CRIM1: variants seen among roughly 807,000 people sequenced by gnomAD.
CRIM1 encodes the protein cysteine-rich motor neuron 1 protein.
CRIM1 carries 32 observed loss-of-function variants against 116.4 expected under a neutral mutation model. The observed-to-expected ratio is 0.27, with a 90% confidence interval of 0.21 to 0.37. The LOEUF (loss-of-function observed/expected upper bound fraction) is 0.37. Among genes scored for constraint, CRIM1 ranks in the 10% least tolerant of loss-of-function variants. The pLI is 1.00. For synonymous variants in CRIM1, 590 were observed against 509.2 expected, an observed-to-expected ratio of 1.16 and a Z score of -2.13; for missense variants, 1,331 against 1,354.8, an observed-to-expected ratio of 0.98 and a Z score of 0.28.
At chr2:36,486,307 A>T (rs1679812769) in intron 7 of CRIM1, among the ~76,000 whole-genome samples, 1 of 152,176 alleles carries the variant, frequency 6.6e-6, no homozygotes, top group Non-Finnish European at 1.5e-5. Context: ...TTTAATAGAG[A>T]AGAAATGTTT....
In CRIM1 at chr2:36,472,891, A is replaced by G. The variant is rs181383709; in HGVS notation, c.992-3998A>G. ...AGATTAGTTTGTTAGCTAAAAGTAT[A>G]TAGAAGAATTCTGAGCCATGGTAAG... On this transcript the variant is annotated intron_variant, in intron 5 of 16. Coordinates refer to ENST00000280527, the MANE Select transcript of CRIM1 (RefSeq NM_016441.3). 1.5e-3 allele frequency among the ~76,000 whole-genome samples: 224 copies of G among 152,350 alleles called. 2 individuals carry two copies. Among genetic ancestry groups the G allele is most frequent in the Non-Finnish European group, 2.2e-3 (153 of 68,028 alleles).
Position 36,551,013 on chromosome 2 carries a change from G to A in CRIM1, c.*2312G>A, listed in dbSNP as rs1667738337. The A allele has an allele frequency of 6.6e-6, 1 of 152,580 alleles. No individual in the cohort carries two copies. Among genetic ancestry groups the A allele is most frequent in the South Asian group, 2.1e-4 (1 of 4,830 alleles). 9.5% of individuals were successfully genotyped at this position (152,580 alleles called of 1,614,324 possible). A position where few individuals can be genotyped will look rare whatever the true frequency, so the allele number is the denominator to read the frequency against. On this transcript the variant is annotated 3_prime_UTR_variant, in exon 17 of 17. Transcript: ENST00000280527. Reference sequence around the variant, plus strand: ...ATATAATTTCCTGAAGAATAAAATAGATATATGGCACTTGGAGTGCATCAT... The same window carrying A: ...ATATAATTTCCTGAAGAATAAAATAAATATATGGCACTTGGAGTGCATCAT...
rs548674915 is a variant in CRIM1, at chr2:36,531,411, T to G, written c.2429-5941T>G. 5.3e-5 allele frequency among the ~76,000 whole-genome samples: 8 copies of G among 151,978 alleles called. No homozygotes were observed. The South Asian group carries it at 1.0e-3, about 20-fold the overall frequency. ...TTTGGTTTTTGGTTTTTTGTTTTTT[T>G]TTTTTTCCAGAGGCTCATGTATATC... On this transcript the variant is annotated intron_variant, in intron 13 of 16. Coordinates refer to ENST00000280527, the MANE Select transcript of CRIM1 (RefSeq NM_016441.3).
At chr2:36,456,625 G>A (rs565828954) in intron 4 of CRIM1, among the ~76,000 whole-genome samples, 9 of 152,248 alleles carry the variant, frequency 5.9e-5, no homozygotes, top group South Asian at 2.1e-4. Context: ...GGAGCCTTCC[G>A]TTCCTGGGAC....
intron 5 of CRIM1, among the ~76,000 whole-genome samples, chr2:36,466,419 G>T (rs1678032590): frequency 6.6e-6 from 1 of 152,118 alleles, no homozygotes; most frequent in South Asian, 2.1e-4. Flanking sequence ...CAAGCAAATG[G>T]CCAAGCAGAC....
rs1572828481 is a variant in CRIM1, at chr2:36,476,882, T to C, written c.992-7T>C. 1 of 1,606,196 alleles carries C rather than the reference T, an allele frequency of 6.2e-7. No homozygotes were observed. ...AAATATGCCTTGTTTGTTTTAACTC[T>C]TTTCAGATACAAAGCCAGCCTGCGT... On this transcript the variant is annotated splice_region_variant and splice_polypyrimidine_tract_variant and intron_variant, in intron 5 of 16. Transcript: ENST00000280527.
At chr2:36,518,027 G>C (rs1212708865) in intron 12 of CRIM1, among the ~76,000 whole-genome samples, 1 of 152,212 alleles carries the variant, frequency 6.6e-6, no homozygotes, top group East Asian at 1.9e-4. Flanking sequence ...TCCAAGTTGG[G>C]ATGATTAGTA....
intron 4 of CRIM1, among the ~76,000 whole-genome samples, chr2:36,447,818 T>C (rs1676367261): frequency 2.0e-5 from 3 of 152,198 alleles, no homozygotes; most frequent in African/African-American, 7.2e-5. Context: ...CATTTTCTGA[T>C]TGCAGGAATT....
intron 4 of CRIM1, among the ~76,000 whole-genome samples, chr2:36,451,476 A>T (rs930289436): frequency 1.3e-5 from 2 of 152,166 alleles, no homozygotes; most frequent in Non-Finnish European, 2.9e-5. Flanking sequence ...ACAGATGACA[A>T]TTTTTTCTTA....
At chr2:36,450,275 A>G (rs1385934106) in intron 4 of CRIM1, among the ~76,000 whole-genome samples, 1 of 152,170 alleles carries the variant, frequency 6.6e-6, no homozygotes, top group Non-Finnish European at 1.5e-5. Context: ...CAGCCCATAC[A>G]TGGCTACTTG....
chr2:36,363,956 C>G (rs542129252), intron 1 of CRIM1, among the ~76,000 whole-genome samples: 1 of 152,330 alleles, frequency 6.6e-6, no homozygotes, highest in East Asian at 1.9e-4. Flanking sequence ...TCTACCTGTT[C>G]TTCTGCCATT....
chr2:36,407,697 G>A (rs1672912440), intron 2 of CRIM1, among the ~76,000 whole-genome samples: 2 of 126,828 alleles, frequency 1.6e-5, no homozygotes, highest in Non-Finnish European at 3.2e-5. Context: ...GATTTCTTGT[G>A]CCCGTCAAAA....
intron 5 of CRIM1, among the ~76,000 whole-genome samples, chr2:36,476,439 G>T (rs1678981258): frequency 6.6e-6 from 1 of 152,154 alleles, no homozygotes; most frequent in Non-Finnish European, 1.5e-5. Context: ...GAATTTAAGA[G>T]AGAGCACTGG....
chr2:36,478,577 A>G, intron 6 of CRIM1, among the ~76,000 whole-genome samples: 1 of 152,184 alleles, frequency 6.6e-6, no homozygotes, highest in East Asian at 1.9e-4. Context: ...CTGCCTTCCT[A>G]ACGCTGTGAT....
chr2:36,390,844 C>G (rs1012553116), intron 1 of CRIM1, among the ~76,000 whole-genome samples: 1 of 152,104 alleles, frequency 6.6e-6, no homozygotes, highest in Non-Finnish European at 1.5e-5. Flanking sequence ...GAGTCTTGCT[C>G]TGTCGCCCAG....
At chr2:36,506,191 A>T (rs200788191) in intron 8 of CRIM1, among the ~76,000 whole-genome samples, 1,366 of 118,014 alleles carry the variant, frequency 0.012, 5 homozygotes, top group Non-Finnish European at 0.018. Context: ...TCACACACAC[A>T]CACACACACA....
chr2:36,394,239 C>G lies in CRIM1; in HGVS notation c.332-2375C>G, dbSNP rs575455505. On this transcript the variant is annotated intron_variant, in intron 1 of 16. Transcript: ENST00000280527. ...CAAATATACATGGCTTCCAGTAGTT[C>G]AAATGTTACTTGAATTTCTTACAAG... 1.5e-3 allele frequency among the ~76,000 whole-genome samples: 230 copies of G among 152,220 alleles called. 1 individual carries two copies. The highest frequency in any genetic ancestry group is 5.2e-3 in the African/African-American group (216 of 41,536).
chr2:36,416,979 G>A (rs955900815), intron 2 of CRIM1, among the ~76,000 whole-genome samples: 4 of 152,204 alleles, frequency 2.6e-5, no homozygotes, highest in African/African-American at 9.7e-5. Flanking sequence ...GTGTTGGACG[G>A]GGAAGCAGAG....
chr2:36,456,060 G>T (rs900129776), intron 4 of CRIM1, among the ~76,000 whole-genome samples: 1 of 152,134 alleles, frequency 6.6e-6, no homozygotes, highest in South Asian at 2.1e-4. Flanking sequence ...CGGCCTGAAG[G>T]AGTGTTAGCA....
Sources: gnomAD v4.1 joint callset for allele counts (sites outside exome capture counted in the v4.1 genomes callset) on GRCh38, gnomAD v4.1.1 for gene constraint, MANE v1.5 for transcripts, NCBI Gene and HGNC (gene_info 2026-07-23, HGNC 2026-07-21) for gene names.